Variants in SYT1 observed in about 807,000 individuals in gnomAD.
SYT1 encodes the protein synaptotagmin-1.
SYT1 carries 8 observed loss-of-function variants against 44.8 expected under a neutral mutation model. That is an observed-to-expected ratio of 0.18 (90% CI 0.10 to 0.32). The LOEUF is 0.32. SYT1 is among the 10% of genes least tolerant of loss of function. The pLI is 1.00. For synonymous variants in SYT1, 154 were observed against 188.8 expected (o/e 0.82, Z 1.51); for missense variants, 286 against 509.3 (o/e 0.56, Z 4.22).
chr12:79,292,592 A>G (rs1331836566), intron 6 of SYT1, among the ~76,000 whole-genome samples: 2 of 152,226 alleles, frequency 1.3e-5, no homozygotes, highest in African/African-American at 4.8e-5. Flanking sequence ...TGAAAAATTA[A>G]TTCTTGTCCA....
At chr12:78,968,836 G>A (rs904263798) in intron 1 of SYT1, among the ~76,000 whole-genome samples, 1 of 152,098 alleles carries the variant, frequency 6.6e-6, no homozygotes, top group Non-Finnish European at 1.5e-5. Flanking sequence ...TTTATATGGT[G>A]CTCATATAGG....
chr12:78,907,186 A>G (rs932927440), intron 1 of SYT1, among the ~76,000 whole-genome samples: 8 of 151,836 alleles, frequency 5.3e-5, no homozygotes, highest in Non-Finnish European at 1.2e-4. Context: ...TAAAAGAAGA[A>G]AAAAAAAGAT....
chr12:79,320,337 T>G (rs1419739729), intron 8 of SYT1, among the ~76,000 whole-genome samples: 1 of 152,190 alleles, frequency 6.6e-6, no homozygotes, highest in Admixed American at 6.5e-5. Flanking sequence ...ACTAAATGCT[T>G]GTCATTTGGT....
intron 8 of SYT1, among the ~76,000 whole-genome samples, chr12:79,352,188 C>CA (rs1882935593): frequency 7.8e-6 from 1 of 128,972 alleles, no homozygotes; most frequent in East Asian, 2.5e-4. Flanking sequence ...ATGAATACAC[C>CA]CCCCCCCCAA....
intron 2 of SYT1, among the ~76,000 whole-genome samples, chr12:79,039,565 T>A (rs1005973771): frequency 1.0e-5 from 1 of 98,168 alleles, no homozygotes; most frequent in African/African-American, 4.7e-5. Context: ...AATAAAATAG[T>A]TTTTTAATTG....
intron 3 of SYT1, among the ~76,000 whole-genome samples, chr12:79,126,121 G>A (rs754190616): frequency 2.0e-5 from 3 of 152,214 alleles, no homozygotes; most frequent in Non-Finnish European, 4.4e-5. Flanking sequence ...TCTTCTGGAA[G>A]AGCAAAGTCC....
At position 79,410,094 on chromosome 12, in the gene SYT1, C is replaced by T. The variant is rs1868356507; in HGVS notation, c.929-33979C>T. ...GAGGCAGTGTTAACAAAATAGTTTTCATCATCATCAAGGTTTGAATCCCTG... is the reference window on the plus strand; with the variant it reads ...GAGGCAGTGTTAACAAAATAGTTTTTATCATCATCAAGGTTTGAATCCCTG... On this transcript the variant is annotated intron_variant, in intron 9 of 10. Transcript: ENST00000261205. Among the ~76,000 whole-genome samples, 4 of 152,064 alleles carry T rather than the reference C, an allele frequency of 2.6e-5. No individual in the cohort carries two copies. In the Middle Eastern group the frequency reaches 0.01, roughly 388 times the overall value.
intron 3 of SYT1, among the ~76,000 whole-genome samples, chr12:79,190,123 C>T (rs999482087): frequency 6.6e-6 from 1 of 152,106 alleles, no homozygotes; most frequent in African/African-American, 2.4e-5. Flanking sequence ...ATCAACCTGT[C>T]CATGTTTCTT....
intron 1 of SYT1, among the ~76,000 whole-genome samples, chr12:78,879,097 G>A (rs1177016875): frequency 6.6e-6 from 1 of 151,612 alleles, no homozygotes; most frequent in East Asian, 1.9e-4. Flanking sequence ...TCCCACCCCA[G>A]GCTTGGAAGA....
intron 2 of SYT1, among the ~76,000 whole-genome samples, chr12:79,023,724 A>G (rs982079953): frequency 6.6e-6 from 1 of 151,472 alleles, no homozygotes; most frequent in African/African-American, 2.4e-5. Flanking sequence ...ATCCCCATAT[A>G]CTCTTTACCA....
At chr12:79,236,853 G>A (rs1054668390) in intron 4 of SYT1, among the ~76,000 whole-genome samples, 3 of 152,220 alleles carry the variant, frequency 2.0e-5, no homozygotes, top group Non-Finnish European at 2.9e-5. Flanking sequence ...TGTGAGAGAC[G>A]TGTAGAGGAG....
At chr12:78,969,653 C>G (rs923911731) in intron 1 of SYT1, among the ~76,000 whole-genome samples, 3 of 152,186 alleles carry the variant, frequency 2.0e-5, no homozygotes, top group Admixed American at 1.3e-4. Context: ...TTTGATTTGA[C>G]TGTGATATAA....
At chr12:79,406,168 T>A (rs1484120597) in intron 9 of SYT1, among the ~76,000 whole-genome samples, 1 of 152,152 alleles carries the variant, frequency 6.6e-6, no homozygotes, top group Non-Finnish European at 1.5e-5. Flanking sequence ...GATGGCTTAG[T>A]TTGTAATACC....
chr12:79,303,564 C>T (rs1880248822), intron 8 of SYT1, among the ~76,000 whole-genome samples: 1 of 151,698 alleles, frequency 6.6e-6, no homozygotes, highest in Admixed American at 6.6e-5. Flanking sequence ...TAATCTAGTG[C>T]AAATGGAAAA....
At chr12:79,384,249 A>T (rs1327684605) in intron 9 of SYT1, among the ~76,000 whole-genome samples, 4 of 152,176 alleles carry the variant, frequency 2.6e-5, no homozygotes, top group Admixed American at 6.5e-5. Flanking sequence ...TCTTAAACAT[A>T]TGCTCATTTG....
intron 3 of SYT1, among the ~76,000 whole-genome samples, chr12:79,165,498 T>C (rs1871177510): frequency 6.6e-6 from 1 of 152,022 alleles, no homozygotes; most frequent in South Asian, 2.1e-4. Context: ...GATGGTTTAC[T>C]GTGAAGACTC....
intron 1 of SYT1, among the ~76,000 whole-genome samples, chr12:78,917,436 G>T (rs1443584261): frequency 2.0e-5 from 3 of 151,900 alleles, no homozygotes; most frequent in African/African-American, 7.2e-5. Context: ...ACAAGAAGGG[G>T]AACATCACAC....
chr12:79,332,600 C>T (rs557708995), intron 8 of SYT1, among the ~76,000 whole-genome samples: 6 of 152,138 alleles, frequency 3.9e-5, no homozygotes, highest in African/African-American at 1.2e-4. Context: ...TCAGTAACTC[C>T]GAAAAAGAAG....
intron 9 of SYT1, among the ~76,000 whole-genome samples, chr12:79,437,882 T>C (rs1420057231): frequency 6.6e-6 from 1 of 152,110 alleles, no homozygotes; most frequent in Non-Finnish European, 1.5e-5. Context: ...ATGTCAAATC[T>C]GATATACTCA....
Sources: gnomAD v4.1 joint callset for allele counts (sites outside exome capture counted in the v4.1 genomes callset) on GRCh38, gnomAD v4.1.1 for gene constraint, MANE v1.5 for transcripts, NCBI Gene and HGNC (gene_info 2026-07-23, HGNC 2026-07-21) for gene names.